Variants in GYG2 observed in about 807,000 individuals in gnomAD.
GYG2 encodes glycogenin 2.
Under a neutral mutation model 29.4 loss-of-function variants are expected in GYG2, and 29 were observed. That is an observed-to-expected ratio of 0.99 (90% CI 0.74 to 1.35). The LOEUF is 1.35. Ranked by LOEUF, GYG2 falls within the 40% of genes most tolerant of loss-of-function variation. The pLI, the probability that GYG2 is intolerant of heterozygous loss-of-function variation, is 0.00. For missense variants in GYG2, 370 were observed against 385.7 expected, an observed-to-expected ratio of 0.96 and a Z score of 0.34; for synonymous variants, 167 against 172.3, an observed-to-expected ratio of 0.97 and a Z score of 0.24.
intron 10 of GYG2, among the ~76,000 whole-genome samples, chrX:2,878,536 C>G (rs762267239): frequency 5.2e-4 from 58 of 111,613 alleles, no homozygotes; most frequent in Non-Finnish European, 9.2e-4. Flanking sequence ...TCTCGAAATG[C>G]TGGGATTACA....
intron 8 of GYG2, among the ~76,000 whole-genome samples, chrX:2,863,526 GT>G (rs1350340933): frequency 8.9e-6 from 1 of 112,146 alleles, no homozygotes; most frequent in African/African-American, 3.2e-5. Flanking sequence ...GCCGTTTCTT[GT>G]TGCTTATAAA....
chrX:2,861,297 T>G (rs1232161620), intron 7 of GYG2, among the ~76,000 whole-genome samples: 1 of 111,553 alleles, frequency 9.0e-6, no homozygotes, highest in Non-Finnish European at 1.9e-5. Flanking sequence ...TATTAAGTAC[T>G]GGATTACTAA....
Position 2,843,104 on chromosome X carries a change from C to T in GYG2, c.8-109C>T, listed in dbSNP as rs764256920. On this transcript the variant is annotated intron_variant, in intron 2 of 10. Coordinates refer to ENST00000398806, the MANE Select transcript of GYG2 (RefSeq NM_001079855.2). ...CTGGAATGACAGGTGTGAACCATCA[C>T]GTCTGGCCCAAGCCATGAATCTTGG... 6.8e-5 allele frequency: 45 copies of T among 662,931 alleles called. No individual in the cohort carries two copies. The South Asian group carries it at 8.0e-4, about 12-fold the overall frequency. The allele number at this position is 662,931 out of a possible 1,213,427, so 54.6% of individuals were successfully genotyped here. A position where few individuals can be genotyped will look rare whatever the true frequency, so the allele number is the denominator to read the frequency against.
chrX:2,850,698 A>T (rs189235869), intron 3 of GYG2, among the ~76,000 whole-genome samples: 3,040 of 110,998 alleles, frequency 0.027, 109 homozygotes, highest in African/African-American at 0.095. Flanking sequence ...CTCCTGGCTC[A>T]TCCTGGCTCA....
intron 1 of GYG2, 35 bp from the exon 2 acceptor site, chrX:2,830,026 C>A (rs1337100905): frequency 4.2e-6 from 2 of 480,972 alleles, no homozygotes; most frequent in Non-Finnish European, 7.2e-6. Context: ...GGCCTGCAGC[C>A]GAGGGTGTCG....
chrX:2,851,022 C>T (rs1329957230), intron 3 of GYG2, among the ~76,000 whole-genome samples: 1 of 111,253 alleles, frequency 9.0e-6, no homozygotes, highest in Non-Finnish European at 1.9e-5. Flanking sequence ...CAAATATAAC[C>T]GTGATCATAA....
At chrX:2,872,411 A>T (rs1436444406) in intron 8 of GYG2, among the ~76,000 whole-genome samples, 1 of 112,290 alleles carries the variant, frequency 8.9e-6, no homozygotes, top group African/African-American at 3.2e-5. Flanking sequence ...ATATTTATTC[A>T]TAAAAGTTGG....
Position 2,881,038 on chromosome X carries a change from A to C in GYG2, c.1252-14A>C, listed in dbSNP as rs769201100. 8.3e-7 allele frequency: 1 copy of C among 1,207,481 alleles called. No individual in the cohort carries two copies. The highest frequency in any genetic ancestry group is 1.8e-5 in the South Asian group (1 of 56,319). ...CAGCTGCAAAAACCATCTCCCACTG[A>C]CTGTCTTCCCTAGGTCGACCTGGCC... On this transcript the variant is annotated splice_polypyrimidine_tract_variant and intron_variant, in intron 10 of 10. Coordinates refer to ENST00000398806, the MANE Select transcript of GYG2 (RefSeq NM_001079855.2).
intron 2 of GYG2, among the ~76,000 whole-genome samples, chrX:2,842,525 C>T (rs2087527000): frequency 9.0e-6 from 1 of 111,343 alleles, no homozygotes; most frequent in African/African-American, 3.3e-5. Context: ...AGTTGGGTTA[C>T]ATCTTTGCTG....
At chrX:2,867,474 C>T (rs2088325330) in intron 8 of GYG2, among the ~76,000 whole-genome samples, 1 of 111,172 alleles carries the variant, frequency 9.0e-6, no homozygotes. Context: ...TGCAAGCGGC[C>T]CCAGGCACAG....
intron 6 of GYG2, among the ~76,000 whole-genome samples, chrX:2,858,183 C>T (rs1400097394): frequency 5.4e-5 from 6 of 111,610 alleles, no homozygotes; most frequent in East Asian, 2.8e-4. Flanking sequence ...GGGACATGGC[C>T]GAGCACAGTG....
At chrX:2,849,453 G>C (rs1451665304) in intron 3 of GYG2, among the ~76,000 whole-genome samples, 2 of 111,953 alleles carry the variant, frequency 1.8e-5, no homozygotes, top group Non-Finnish European at 3.8e-5. Context: ...GAAAAAGAAA[G>C]AAAGAAAGAA....
chrX:2,838,902 T>C (rs1603458652), intron 2 of GYG2, among the ~76,000 whole-genome samples: 3 of 112,393 alleles, frequency 2.7e-5, no homozygotes, highest in African/African-American at 9.7e-5. Context: ...GCAGTCAGAA[T>C]TTTTATGTCT....
chrX:2,841,392 G>A lies in GYG2; in HGVS notation c.8-1821G>A, dbSNP rs761587463. The stretch of plus-strand genomic sequence containing the variant: ...TAGATAGATGATGGATGGATGGATA[G>A]ATAGATGATAGATAAATAGATGAAT... On this transcript the variant is annotated intron_variant, in intron 2 of 10. Coordinates refer to ENST00000398806, the MANE Select transcript of GYG2 (RefSeq NM_001079855.2). Among the ~76,000 whole-genome samples the A allele has an allele frequency of 2.2e-3, 238 of 110,216 alleles. 2 individuals carry two copies. In the Middle Eastern group the frequency reaches 0.052, roughly 24 times the overall value.
chrX:2,851,846 C>A (rs760971567), intron 3 of GYG2, among the ~76,000 whole-genome samples: 1 of 112,491 alleles, frequency 8.9e-6, no homozygotes, highest in African/African-American at 3.2e-5. Flanking sequence ...ACAGTTGTTA[C>A]TATAGTGTTT....
intron 2 of GYG2, among the ~76,000 whole-genome samples, chrX:2,833,419 A>T (rs1292839791): frequency 9.0e-6 from 1 of 111,008 alleles, no homozygotes; most frequent in Non-Finnish European, 1.9e-5. Flanking sequence ...ATGGGTTATC[A>T]TCCGTCTATA....
chrX:2,877,494 C>T (rs1224104787), intron 10 of GYG2, 187 bp downstream of exon 10: 6 of 1,050,510 alleles, frequency 5.7e-6, no homozygotes, highest in Non-Finnish European at 7.4e-6. Context: ...CTGGGGTGAT[C>T]GGCCGACTCT....
At chrX:2,872,357 T>C (rs2088491733) in intron 8 of GYG2, among the ~76,000 whole-genome samples, 1 of 110,716 alleles carries the variant, frequency 9.0e-6, no homozygotes, top group African/African-American at 3.3e-5. Context: ...CTGCATGATA[T>C]GCAAGGGGGA....
intron 8 of GYG2, among the ~76,000 whole-genome samples, chrX:2,866,621 G>A (rs951429426): frequency 1.8e-5 from 2 of 111,359 alleles, no homozygotes; most frequent in Non-Finnish European, 3.8e-5. Flanking sequence ...AGCCCTGTAG[G>A]ATGACTATAG....
Sources: allele counts gnomAD v4.1 joint callset (sites outside exome capture counted in the v4.1 genomes callset), GRCh38; gene constraint gnomAD v4.1.1; transcripts MANE v1.5; gene names NCBI Gene and HGNC (gene_info 2026-07-23, HGNC 2026-07-21).